AKAP13: variants seen among roughly 807,000 people sequenced by gnomAD.
AKAP13 encodes A-kinase anchor protein 13.
AKAP13 carries 80 observed loss-of-function variants against 264.5 expected under a neutral mutation model. That is an observed-to-expected ratio of 0.30 (90% CI 0.25 to 0.36). The LOEUF is 0.36. Among genes scored for constraint, AKAP13 ranks in the 10% least tolerant of loss-of-function variants. The pLI, the probability that AKAP13 is intolerant of heterozygous loss-of-function variation, is 1.00. For missense variants in AKAP13, 3,712 were observed against 3,435.2 expected (o/e 1.08, Z -2.01); for synonymous variants, 1,380 against 1,250.2 (o/e 1.10, Z -2.19).
chr15:85,646,412 G>A (rs1038352839), intron 10 of AKAP13, among the ~76,000 whole-genome samples: 15 of 152,144 alleles, frequency 9.9e-5, no homozygotes, highest in Admixed American at 7.9e-4. Context: ...GGGTGGCAGA[G>A]CGAGACTCTG....
Position 85,557,993 on chromosome 15 carries a change from G to A in AKAP13, c.662+14038G>A, listed in dbSNP as rs377503052. ...GGGTCTATAGCTTATACCACATGCC[G>A]TATTCCTATCTATGCTATGCCTCTT... On this transcript the variant is annotated intron_variant, in intron 5 of 36. Transcript: ENST00000394518. Among the ~76,000 whole-genome samples the A allele has an allele frequency of 1.5e-3, 228 of 152,240 alleles. 1 individual carries two copies. Among genetic ancestry groups the A allele is most frequent in the African/African-American group, 5.2e-3 (216 of 41,532 alleles).
At chr15:85,705,525 G>A (rs552825695) in intron 17 of AKAP13, among the ~76,000 whole-genome samples, 1 of 152,094 alleles carries the variant, frequency 6.6e-6, no homozygotes, top group Non-Finnish European at 1.5e-5. Context: ...CACAAGATGC[G>A]ATAAATGGAT....
intron 33 of AKAP13, among the ~76,000 whole-genome samples, chr15:85,737,420 A>C (rs963739375): frequency 2.0e-5 from 3 of 152,090 alleles, no homozygotes; most frequent in Admixed American, 2.0e-4. Context: ...GATACATGAT[A>C]ATTGCTTTTT....
chr15:85,480,317 T>G (rs538425771), intron 1 of AKAP13, among the ~76,000 whole-genome samples: 25 of 152,234 alleles, frequency 1.6e-4, no homozygotes, highest in Admixed American at 1.0e-3. Context: ...AAGTATCTTA[T>G]GTGGGGTTAG....
At chr15:85,700,920 G>C (rs758964828) in intron 17 of AKAP13, among the ~76,000 whole-genome samples, 2 of 152,158 alleles carry the variant, frequency 1.3e-5, no homozygotes, top group Admixed American at 6.5e-5. Context: ...AGAGGTTGTG[G>C]TAGGTAAGTG....
rs529977141 is a variant in AKAP13, at chr15:85,724,179, A to G, written c.6745+859A>G. Among the ~76,000 whole-genome samples, 1 of 152,344 alleles carries G rather than the reference A, an allele frequency of 6.6e-6. No individual in the cohort carries two copies. The highest frequency in any genetic ancestry group is 1.9e-4 in the East Asian group (1 of 5,188). The stretch of plus-strand genomic sequence containing the variant: ...TGGGTGCTGCTTTCATTTCTGAGGT[A>G]TAAGTGATGATGTAGATAACTGCTA... On this transcript the variant is annotated intron_variant, in intron 26 of 36. Coordinates refer to ENST00000394518, the MANE Select transcript of AKAP13 (RefSeq NM_007200.5). This position sits in a 1 kb window ranked among gnomAD's most constrained non-coding sequence, Gnocchi z 4.2.
rs147348348 is a variant in AKAP13 at position 85,725,681 on chromosome 15, A to G, written c.6746-729A>G. ...TCACTTTCCACAGTGAAGATGTTACATAGGGGCCAACCTGCTAGCTCGAGA... is the reference window on the plus strand; with the variant it reads ...TCACTTTCCACAGTGAAGATGTTACGTAGGGGCCAACCTGCTAGCTCGAGA... On this transcript the variant is annotated intron_variant, in intron 26 of 36. Coordinates refer to ENST00000394518, the MANE Select transcript of AKAP13 (RefSeq NM_007200.5). 1.9e-3 allele frequency among the ~76,000 whole-genome samples: 286 copies of G among 152,290 alleles called. 1 individual carries two copies. Among genetic ancestry groups the G allele is most frequent in the African/African-American group, 6.3e-3 (262 of 41,566 alleles).
At chr15:85,644,249 G>A (rs1185785038) in intron 9 of AKAP13, among the ~76,000 whole-genome samples, 1 of 129,198 alleles carries the variant, frequency 7.7e-6, no homozygotes, top group African/African-American at 2.9e-5. Context: ...TTTTTTTTTT[G>A]GAAATGAAGT....
intron 16 of AKAP13, chr15:85,689,888 C>A (rs1339238703): frequency 6.6e-6 from 1 of 152,290 alleles, no homozygotes; most frequent in Non-Finnish European, 1.5e-5. Flanking sequence ...GCAGCCTCAG[C>A]CCTCCCTCCT....
At chr15:85,723,780 C>T (rs1287328161) in intron 26 of AKAP13, among the ~76,000 whole-genome samples, 1 of 152,150 alleles carries the variant, frequency 6.6e-6, no homozygotes. Context: ...TTTGCAGCTC[C>T]AGACACCTAA....
In AKAP13 at chr15:85,533,786, T is replaced by C. The variant is rs776772588; in HGVS notation, c.384T>C (p.Asp128=). 2.5e-6 allele frequency: 4 copies of C among 1,613,976 alleles called. No individual in the cohort carries two copies. Among genetic ancestry groups the C allele is most frequent in the Admixed American group, 3.3e-5 (2 of 59,980 alleles). Residue 128 remains aspartate, a synonymous_variant, in exon 4 of 37, where the codon GAT becomes GAC. Coordinates refer to ENST00000394518, the MANE Select transcript of AKAP13 (RefSeq NM_007200.5). The part of the protein sequence containing the change: ...FLDQSGPPSG[D]VNSLDKKLVL... ...ACCAGTCAGGACCCCCATCTGGGGA[T>C]GTGAATTCCCTTGATAAGAAGTTGG...
At position 85,580,276 on chromosome 15, in the gene AKAP13, G is replaced by C. The variant is rs1253809410; in HGVS notation, c.2208G>C (p.Val736=). 8 of 1,614,040 alleles carry C rather than the reference G, an allele frequency of 5.0e-6. No individual in the cohort carries two copies. Among genetic ancestry groups the C allele is most frequent in the Non-Finnish European group, 5.9e-6 (7 of 1,180,042 alleles). Residue 736 remains valine (V), a synonymous_variant, in exon 7 of 37, where the codon GTG becomes GTC. Coordinates refer to ENST00000394518, the MANE Select transcript of AKAP13 (RefSeq NM_007200.5). ...GTGCGGATTTTTGTCCTTTCAAAGT[G>C]GTGGATAACAAAGGCCAACGAAAAG... ...QERADFCPFK[V]VDNKGQRKDV...
chr15:85,637,675 T>G (rs1350728258), intron 8 of AKAP13, among the ~76,000 whole-genome samples: 1 of 152,122 alleles, frequency 6.6e-6, no homozygotes, highest in Admixed American at 6.6e-5. Context: ...GTTAATTTCC[T>G]CCTCTTTTTC....
chr15:85,640,751 A>G lies in AKAP13; in HGVS notation c.4237+1302A>G, dbSNP rs549525668. 5.3e-5 allele frequency among the ~76,000 whole-genome samples: 8 copies of G among 152,264 alleles called. 1 individual carries two copies. The South Asian group carries it at 1.7e-3, about 32-fold the overall frequency. On this transcript the variant is annotated intron_variant, in intron 9 of 36. Transcript: ENST00000394518. ...TTTTTCTAAAAGTGTAATTAAAACC[A>G]CCCAAGAGTGAGACTTTCTGCCAAG...
At chr15:85,446,228 G>A (rs1041897223) in intron 1 of AKAP13, among the ~76,000 whole-genome samples, 5 of 152,182 alleles carry the variant, frequency 3.3e-5, no homozygotes, top group African/African-American at 4.8e-5. Flanking sequence ...TTGTGATAAC[G>A]TGGAAGATAG....
At chr15:85,521,968 G>T (rs1179689068) in intron 3 of AKAP13, among the ~76,000 whole-genome samples, 1 of 152,154 alleles carries the variant, frequency 6.6e-6, no homozygotes, top group Non-Finnish European at 1.5e-5. Flanking sequence ...AATAAAAGAA[G>T]GTAGTCAGCA....
intron 1 of AKAP13, among the ~76,000 whole-genome samples, chr15:85,429,361 A>G (rs2072931154): frequency 6.6e-6 from 1 of 152,198 alleles, no homozygotes; most frequent in South Asian, 2.1e-4. Flanking sequence ...AGGGTAGGGA[A>G]GAGTCAGAGA....
intron 1 of AKAP13, among the ~76,000 whole-genome samples, chr15:85,412,043 A>G (rs574092418): frequency 9.2e-5 from 14 of 152,352 alleles, no homozygotes; most frequent in African/African-American, 3.4e-4. Context: ...AAATGTATCT[A>G]CATTTGGAAG....
chr15:85,673,694 G>GTTTTT (rs2084052641), intron 14 of AKAP13, among the ~76,000 whole-genome samples: 14 of 84,134 alleles, frequency 1.7e-4, no homozygotes, highest in East Asian at 1.1e-3. Flanking sequence ...TTTTTTTTTG[G>GTTTTT]GGAGACAGAA....
Sources: gnomAD v4.1 joint callset for allele counts (sites outside exome capture counted in the v4.1 genomes callset) on GRCh38, gnomAD v4.1.1 for gene constraint, Gnocchi (gnomAD v3.1) non-coding constraint, MANE v1.5 for transcripts, NCBI Gene and HGNC (gene_info 2026-07-23, HGNC 2026-07-21) for gene names.